MYO1C: variants seen among roughly 807,000 people sequenced by gnomAD.
MYO1C encodes the protein myosin IC.
A neutral mutation model predicts 150.8 loss-of-function variants in MYO1C; 104 were observed. The observed-to-expected ratio is 0.69, with a 90% CI of 0.59 to 0.81. The LOEUF is 0.81. MYO1C is among the 30% of genes least tolerant of loss of function. The probability of loss-of-function intolerance (pLI) is 0.00; values close to 1 mark genes in which losing one functional copy is unlikely to be tolerated. For synonymous variants in MYO1C, 663 were observed against 579.9 expected, an observed-to-expected ratio of 1.14 and a Z score of -2.06; for missense variants, 1,504 against 1,435.0, an observed-to-expected ratio of 1.05 and a Z score of -0.78.
At chr17:1,484,583 C>T in intron 1 of MYO1C, 1 of 570,614 alleles carries the variant, frequency 1.8e-6, no homozygotes, top group East Asian at 3.0e-5. Context: ...CCACTTGGGA[C>T]TCGGACACAG....
intron 1 of MYO1C, 68 bp from the exon 2 acceptor site, chr17:1,484,371 C>T: frequency 6.3e-7 from 1 of 1,579,010 alleles, no homozygotes; most frequent in Non-Finnish European, 8.6e-7. Flanking sequence ...TTCCCTGCGC[C>T]TGTGGGACTG....
At chr17:1,469,481 C>T (rs753961125) in intron 25 of MYO1C, 50 bp downstream of exon 25, 6 of 1,390,486 alleles carry the variant, frequency 4.3e-6, no homozygotes, top group South Asian at 1.2e-5. Context: ...GCAATGCTTG[C>T]GACTCCCTGA....
rs8069552 is a variant in MYO1C, at chr17:1,468,714, G to A, written c.2611-218C>T. On this transcript the variant is annotated intron_variant, in intron 25 of 31. Transcript: ENST00000648651. The stretch of plus-strand genomic sequence containing the variant: ...AGCACTCCCCAGCGGGGTCATGAAG[G>A]CACTGCGGGGTTTTGAAACTGGCCT... 9 of 591,198 alleles carry A rather than the reference G, an allele frequency of 1.5e-5. No individual in the cohort carries two copies. In the East Asian group the frequency reaches 2.5e-4, roughly 17 times the overall value. 36.6% of individuals were successfully genotyped at this position (591,198 alleles called of 1,614,324 possible).
rs1041164223 is a variant in MYO1C, at chr17:1,464,719, G to A, written c.*1007C>T. ...GTAACATCAAGGGGCTGGGCTGGAT[G>A]ATCTCTCAGCGTCTTCCAACCTCTA... is the stretch of plus-strand genomic sequence containing the variant. On this transcript the variant is annotated 3_prime_UTR_variant, in exon 32 of 32. Coordinates refer to ENST00000648651, the MANE Select transcript of MYO1C (RefSeq NM_001080779.2). The A allele has an allele frequency of 1.2e-4, 19 of 152,498 alleles. No individual in the cohort carries two copies. The highest frequency in any genetic ancestry group is 4.3e-4 in the African/African-American group (18 of 41,396). The allele number at this position is 152,498 out of a possible 1,614,324, so 9.4% of individuals were successfully genotyped here.
intron 14 of MYO1C, among the ~76,000 whole-genome samples, chr17:1,475,496 TG>T (rs1303901242): frequency 1.3e-5 from 2 of 152,122 alleles, no homozygotes; most frequent in African/African-American, 4.8e-5. Flanking sequence ...GAGAGGTAGA[TG>T]GCCTTGGCCA....
At chr17:1,488,355 C>T (rs559889544) in intron 1 of MYO1C, among the ~76,000 whole-genome samples, 1 of 152,324 alleles carries the variant, frequency 6.6e-6, no homozygotes, top group African/African-American at 2.4e-5. Context: ...TGGCAACCCC[C>T]GGCCTGCCCC....
At chr17:1,480,462 C>CAAAAAAAAAAAAAAA (rs534880243) in intron 7 of MYO1C, 65 bp downstream of exon 7, 1 of 1,147,368 alleles carries the variant, frequency 8.7e-7, no homozygotes. Context: ...AAATAAAAAA[C>CAAAAAAAAAAAAAAA]AAAAAAAAAA....
chr17:1,476,745 T>C (rs2074408780), intron 14 of MYO1C, among the ~76,000 whole-genome samples: 1 of 152,050 alleles, frequency 6.6e-6, no homozygotes, highest in Admixed American at 6.6e-5. Flanking sequence ...ATTCCTTCAA[T>C]AAAAATCAAT....
Position 1,469,604 on chromosome 17 carries a change from A to G in MYO1C, c.2537T>C (p.Leu846Pro). ...PPPALREASE[L>P]LRELCIKNMV... is the part of the protein sequence containing the mutation. ...GTTCTTTATGCACAACTCCCGCAGA[A>G]GCTCTGAGGCCTAAGGGGAGGAGTG... Residue 846 changes from leucine (L) to proline (P), a missense_variant, in exon 25 of 32, where the codon CTT (leucine) becomes CCT (proline). Leu to Pro is a moderately conservative substitution (Grantham distance 98). Coordinates refer to ENST00000648651, the MANE Select transcript of MYO1C (RefSeq NM_001080779.2). 6.2e-7 allele frequency: 1 copy of G among 1,612,180 alleles called. No individual in the cohort carries two copies. The highest frequency in any genetic ancestry group is 8.5e-7 in the Non-Finnish European group (1 of 1,179,076).
intron 1 of MYO1C, chr17:1,484,603 G>C: frequency 1.8e-6 from 1 of 548,478 alleles, no homozygotes; most frequent in Non-Finnish European, 3.3e-6. Context: ...GGGCATGGAC[G>C]CAGGCAGGAC....
rs199669456 is a variant in MYO1C at position 1,482,986 on chromosome 17, C to G, written c.421G>C (p.Glu141Gln). 26 of 1,612,666 alleles carry G rather than the reference C, an allele frequency of 1.6e-5. No homozygotes were observed. Among genetic ancestry groups the G allele is most frequent in the Non-Finnish European group, 2.1e-5 (25 of 1,179,926 alleles). Residue 141 changes from glutamate to glutamine, a missense_variant, in exon 4 of 32, where the codon GAG becomes CAG. Physicochemically the swap from Glu to Gln is conservative, Grantham distance 29 (BLOSUM62 2). Coordinates refer to ENST00000648651, the MANE Select transcript of MYO1C (RefSeq NM_001080779.2). ...RRDQAVMISGESGAGKTEATK... is the reference protein window; with the variant it reads ...RRDQAVMISGQSGAGKTEATK... ...GCCTCGGTCTTGCCTGCCCCGCTCT[C>G]CCCAGAGATCATCACAGCCTGGTCC...
At chr17:1,472,058 G>A in intron 18 of MYO1C, 34 bp from the exon 19 acceptor site, 1 of 1,607,870 alleles carries the variant, frequency 6.2e-7, no homozygotes. Context: ...TCAGCGGGCT[G>A]GCGCTGACGG....
In MYO1C at chr17:1,478,904, G is replaced by A. The variant is rs938545267; in HGVS notation, c.1093-169C>T. 1.1e-4 allele frequency among the ~76,000 whole-genome samples: 17 copies of A among 152,134 alleles called. No homozygotes were observed. Among genetic ancestry groups the A allele is most frequent in the Non-Finnish European group, 2.5e-4 (17 of 67,996 alleles). On this transcript the variant is annotated intron_variant, in intron 9 of 31. Transcript: ENST00000648651. The surrounding 1 kb of genome is among the most constrained non-coding windows in gnomAD (Gnocchi z 6.3). ...AGTGGGACCTCAGGGAGGACAGGTG[G>A]CCACCCCAGAGGGAAGGTGGTAGAG...
At chr17:1,487,430 G>A (rs1021894167) in intron 1 of MYO1C, among the ~76,000 whole-genome samples, 1 of 152,260 alleles carries the variant, frequency 6.6e-6, no homozygotes, top group Non-Finnish European at 1.5e-5. Flanking sequence ...CGAGGCTGCG[G>A]CAGGTGCGGG....
chr17:1,467,191 A>C (rs1598317628), intron 31 of MYO1C, 51 bp downstream of exon 31: 1 of 1,517,132 alleles, frequency 6.6e-7, no homozygotes, highest in South Asian at 1.2e-5. Context: ...CAGCCAAGGA[A>C]GGCTTGGCTA....
chr17:1,474,646 G>T lies in MYO1C; in HGVS notation c.1761C>A (p.Asp587Glu). ...SKNPIMSQCF[D>E]RSELSDKKRP... ...GCTTCTTGTCACTGAGCTCGCTCCG[G>T]TCAAAGCACTGGCTCATAATGGGAT... Residue 587 changes from aspartate to glutamate, a missense_variant, in exon 17 of 32, where the codon GAC (aspartate) becomes GAA (glutamate). By Grantham distance (45) the Asp-to-Glu change is conservative. Transcript: ENST00000648651. The T allele has an allele frequency of 6.2e-6, 10 of 1,614,004 alleles. No homozygotes were observed. The highest frequency in any genetic ancestry group is 8.5e-6 in the Non-Finnish European group (10 of 1,179,954).
rs576072854 is a variant in MYO1C, at chr17:1,478,101, C to A, written c.1387G>T (p.Ala463Ser). 1 of 1,614,122 alleles carries A rather than the reference C, an allele frequency of 6.2e-7. No individual in the cohort carries two copies. The highest frequency in any genetic ancestry group is 1.3e-5 in the African/African-American group (1 of 75,064). The change falls in exon 12 of 32, where the codon GCA (alanine) becomes TCA (serine). Residue 463 changes from alanine to serine, a missense_variant. Transcript: ENST00000648651. The surrounding 1 kb of genome is among the most constrained non-coding windows in gnomAD (Gnocchi z 6.3). ...CTAGCACACACCGCGATGCCCTCTG[C>A]CTCGTACTCCTCCTGCTCCGACTTG... ...TLKSEQEEYE[A>S]EGIAWEPVQY...
intron 25 of MYO1C, chr17:1,468,934 G>A (rs1383999329): frequency 4.0e-5 from 12 of 300,580 alleles, no homozygotes; most frequent in South Asian, 3.2e-4. Context: ...ATCGACCCGA[G>A]TGAAGACGCA....
intron 1 of MYO1C, chr17:1,484,979 G>T: frequency 1.7e-6 from 1 of 579,670 alleles, no homozygotes; most frequent in South Asian, 1.5e-5. Flanking sequence ...TCCCACCCCA[G>T]CTGGGCTCAG....
Sources: gnomAD v4.1 joint callset for allele counts (sites outside exome capture counted in the v4.1 genomes callset) on GRCh38, gnomAD v4.1.1 for gene constraint, Gnocchi (gnomAD v3.1) non-coding constraint, MANE v1.5 for transcripts, NCBI Gene and HGNC (gene_info 2026-07-23, HGNC 2026-07-21) for gene names.